Variants in CAMTA1 observed in about 807,000 individuals in gnomAD.
CAMTA1 encodes the protein calmodulin-binding transcription activator 1.
Under a neutral mutation model 170.9 loss-of-function variants are expected in CAMTA1, and 27 were observed. The ratio of observed to expected loss-of-function variants is 0.16; its 90% CI spans 0.12 to 0.22. CAMTA1 has a LOEUF of 0.22. CAMTA1 is among the 10% of genes least tolerant of loss of function. The pLI is 1.00. For synonymous variants in CAMTA1, 833 were observed against 891.5 expected, an observed-to-expected ratio of 0.93 and a Z score of 1.17; for missense variants, 1,619 against 2,217.2, an observed-to-expected ratio of 0.73 and a Z score of 5.42.
At chr1:7,095,914 A>G (rs1642022873) in intron 4 of CAMTA1, among the ~76,000 whole-genome samples, 1 of 152,114 alleles carries the variant, frequency 6.6e-6, no homozygotes, top group Admixed American at 6.5e-5. Context: ...TCCCCTGGGA[A>G]ATACGCAACC....
At chr1:7,236,831 A>G (rs537734482) in intron 4 of CAMTA1, among the ~76,000 whole-genome samples, 1 of 152,362 alleles carries the variant, frequency 6.6e-6, no homozygotes, top group Admixed American at 6.5e-5. Context: ...TGTTGGAAAG[A>G]TCAGAAAGAA....
chr1:7,100,703 C>T (rs1008243475), intron 4 of CAMTA1, among the ~76,000 whole-genome samples: 15 of 152,244 alleles, frequency 9.9e-5, no homozygotes, highest in Non-Finnish European at 1.8e-4. Flanking sequence ...TGTCCACCTT[C>T]TTAATGCACC....
chr1:7,189,139 A>G (rs1654039051), intron 4 of CAMTA1, among the ~76,000 whole-genome samples: 1 of 152,136 alleles, frequency 6.6e-6, no homozygotes, highest in African/African-American at 2.4e-5. Context: ...AGCCTCAATT[A>G]TTGTTTCCTG....
intron 5 of CAMTA1, among the ~76,000 whole-genome samples, chr1:7,282,752 G>A (rs149820122): frequency 1.8e-4 from 28 of 152,228 alleles, no homozygotes; most frequent in Non-Finnish European, 3.2e-4. Context: ...GGGTGGCAGT[G>A]GGATAGAGGT....
rs151133441 is a variant in CAMTA1 at position 7,663,533 on chromosome 1, A to G, written c.986A>G (p.Lys329Arg). Residue 329 changes from lysine (K) to arginine (R), a missense_variant, in exon 9 of 23, where the codon AAG (lysine) becomes AGG (arginine). Transcript: ENST00000303635. ...KGSSREKRNG[K>R]VAKPVLLHQS... ...TCCAGCCGTGAGAAGAGGAACGGCA[A>G]GGTGGCCAAGCCCGTGCTCCTGCAC... The G allele has an allele frequency of 2.6e-3, 4,245 of 1,604,270 alleles. 85 individuals are homozygous for G. The East Asian group carries it at 0.035, about 13-fold the overall frequency.
Position 7,499,641 on chromosome 1 carries a change from G to T in CAMTA1, c.510+31740G>T, listed in dbSNP as rs1212849622. Among the ~76,000 whole-genome samples the T allele has an allele frequency of 2.7e-5, 4 of 147,680 alleles. 1 individual carries two copies. The highest frequency in any genetic ancestry group is 6.0e-5 in the Non-Finnish European group (4 of 66,902). ...GCATGAGTGAGTGTGAGCCTGGTGT[G>T]AGTGCATGTGTATGTGAGTGTGTGC... On this transcript the variant is annotated intron_variant, in intron 6 of 22. Coordinates refer to ENST00000303635, the MANE Select transcript of CAMTA1 (RefSeq NM_015215.4).
In CAMTA1 at chr1:7,610,957, G is replaced by C. The variant is rs11120987; in HGVS notation, c.511-29443G>C. On this transcript the variant is annotated intron_variant, in intron 6 of 22. Coordinates refer to ENST00000303635, the MANE Select transcript of CAMTA1 (RefSeq NM_015215.4). ...CAGGTCCCAGGCCCCCAGGCAGAGG[G>C]GAAGCTAAGTGGCCAAGACGCAGGC... Among the ~76,000 whole-genome samples the C allele has an allele frequency of 7.4e-3, 1,121 of 152,356 alleles. 18 individuals are homozygous for C. Among genetic ancestry groups the C allele is most frequent in the African/African-American group, 0.026 (1,080 of 41,578 alleles).
At chr1:7,766,389 C>T (rs1285441932) in intron 22 of CAMTA1, 70 bp from the exon 23 acceptor site, 13 of 1,456,620 alleles carry the variant, frequency 8.9e-6, no homozygotes, top group South Asian at 1.2e-5. Flanking sequence ...GTGGTAATAC[C>T]CCTTTCCTTT....
chr1:7,039,315 C>T (rs2101292114), intron 3 of CAMTA1, among the ~76,000 whole-genome samples: 1 of 152,264 alleles, frequency 6.6e-6, no homozygotes, highest in South Asian at 2.1e-4. Context: ...CAAAGCTTTG[C>T]TTCCCTTGCA....
intron 3 of CAMTA1, among the ~76,000 whole-genome samples, chr1:7,029,785 A>T (rs1260573578): frequency 1.3e-5 from 2 of 152,228 alleles, no homozygotes; most frequent in Non-Finnish European, 2.9e-5. Flanking sequence ...CTGAGAAATT[A>T]TTAAAATATG....
intron 6 of CAMTA1, among the ~76,000 whole-genome samples, chr1:7,594,496 A>G (rs1216778856): frequency 3.9e-5 from 6 of 152,224 alleles, no homozygotes; most frequent in Non-Finnish European, 7.3e-5. Flanking sequence ...CAAGCAGGGC[A>G]GTGACATGAT....
intron 5 of CAMTA1, among the ~76,000 whole-genome samples, chr1:7,308,016 A>T (rs1675854991): frequency 6.6e-6 from 1 of 151,932 alleles, no homozygotes; most frequent in Admixed American, 6.5e-5. Context: ...TAAACTACTA[A>T]TTCAATTTAT....
At chr1:6,800,243 TA>T in intron 1 of CAMTA1, among the ~76,000 whole-genome samples, 1 of 152,132 alleles carries the variant, frequency 6.6e-6, no homozygotes, top group African/African-American at 2.4e-5. Context: ...TTGTCTCTAC[TA>T]AAAATAGAAA....
chr1:7,534,263 A>T lies in CAMTA1; in HGVS notation c.510+66362A>T, dbSNP rs2094524221. Reference sequence around the variant, plus strand: ...AACATCATAACGTTCAGCAGAGCCCAGGCTGGCTGGAGGCCGAGGCTGGGG... The same window carrying T: ...AACATCATAACGTTCAGCAGAGCCCTGGCTGGCTGGAGGCCGAGGCTGGGG... On this transcript the variant is annotated intron_variant, in intron 6 of 22. Coordinates refer to ENST00000303635, the MANE Select transcript of CAMTA1 (RefSeq NM_015215.4). This position sits in a 1 kb window ranked among gnomAD's most constrained non-coding sequence, Gnocchi z 5.6. 3.3e-5 allele frequency among the ~76,000 whole-genome samples: 5 copies of T among 152,212 alleles called. No individual in the cohort carries two copies. Among genetic ancestry groups the T allele is most frequent in the Admixed American group, 3.3e-4 (5 of 15,288 alleles).
chr1:6,875,323 C>T (rs1358690946), intron 3 of CAMTA1, among the ~76,000 whole-genome samples: 4 of 152,212 alleles, frequency 2.6e-5, no homozygotes, highest in East Asian at 3.9e-4. Context: ...GATGGAGTCT[C>T]GCACTGTCAC....
At chr1:7,349,089 C>A (rs768314681) in intron 5 of CAMTA1, among the ~76,000 whole-genome samples, 1 of 152,184 alleles carries the variant, frequency 6.6e-6, no homozygotes, top group African/African-American at 2.4e-5. Flanking sequence ...GTGCTATGGG[C>A]TTAAGACGGC....
chr1:7,466,458 G>A (rs917599865), intron 5 of CAMTA1, among the ~76,000 whole-genome samples: 10 of 152,158 alleles, frequency 6.6e-5, no homozygotes, highest in African/African-American at 2.4e-4. Context: ...TGTCAACTCT[G>A]CTAATCAGAC....
Position 7,561,372 on chromosome 1 carries a change from G to A in CAMTA1, c.511-79028G>A, listed in dbSNP as rs116685573. On this transcript the variant is annotated intron_variant, in intron 6 of 22. Transcript: ENST00000303635. The surrounding 1 kb of genome is among the most constrained non-coding windows in gnomAD (Gnocchi z 5.3). ...CAGAGGGACAGGCAGAGAGGCCGGC[G>A]GGCAGCAGGCCAATGGGCCAGGCAG... 9.2e-3 allele frequency among the ~76,000 whole-genome samples: 1,393 copies of A among 151,954 alleles called. 26 individuals are homozygous for A. The highest frequency in any genetic ancestry group is 0.032 in the African/African-American group (1,342 of 41,444).
intron 4 of CAMTA1, among the ~76,000 whole-genome samples, chr1:7,119,031 C>T (rs1302809540): frequency 1.3e-5 from 2 of 152,170 alleles, no homozygotes; most frequent in Non-Finnish European, 1.5e-5. Flanking sequence ...CTGTATTTCC[C>T]GGATACCCGT....
Sources: allele counts gnomAD v4.1 joint callset (sites outside exome capture counted in the v4.1 genomes callset), GRCh38; gene constraint gnomAD v4.1.1; non-coding constraint Gnocchi (gnomAD v3.1); transcripts MANE v1.5; gene names NCBI Gene and HGNC (gene_info 2026-07-23, HGNC 2026-07-21).